CSMD3: variants seen among roughly 807,000 people sequenced by gnomAD.
CSMD3 encodes the protein CUB and Sushi multiple domains 3.
In CSMD3, 177 loss-of-function variants were observed where a neutral mutation model predicts 435.2. The observed-to-expected ratio is 0.41, with a 90% confidence interval of 0.36 to 0.46. CSMD3 has a LOEUF of 0.46. Ranked by LOEUF, CSMD3 falls within the 20% of genes least tolerant of loss-of-function variation. The pLI, the probability that CSMD3 is intolerant of heterozygous loss-of-function variation, is 0.34. For synonymous variants in CSMD3, 1,656 were observed against 1,520.5 expected (o/e 1.09, Z -2.07); for missense variants, 4,265 against 4,504.6 (o/e 0.95, Z 1.52).
chr8:112,942,466 T>C (rs2083480536), intron 9 of CSMD3, among the ~76,000 whole-genome samples: 1 of 151,762 alleles, frequency 6.6e-6, no homozygotes, highest in Admixed American at 6.6e-5. Context: ...TCAACCAAAA[T>C]GATCATTAGT....
At chr8:112,661,837 A>G (rs1297046810) in intron 17 of CSMD3, among the ~76,000 whole-genome samples, 1 of 152,106 alleles carries the variant, frequency 6.6e-6, no homozygotes, top group African/African-American at 2.4e-5. Flanking sequence ...TAATAATAAT[A>G]GTATGTTTCA....
intron 9 of CSMD3, among the ~76,000 whole-genome samples, chr8:112,922,550 G>A (rs2082777787): frequency 6.6e-6 from 1 of 151,580 alleles, no homozygotes; most frequent in South Asian, 2.1e-4. Flanking sequence ...CCAGCCTCTG[G>A]TAACCATTAT....
At chr8:112,768,139 C>T (rs913597723) in intron 13 of CSMD3, among the ~76,000 whole-genome samples, 1 of 151,088 alleles carries the variant, frequency 6.6e-6, no homozygotes, top group African/African-American at 2.4e-5. Flanking sequence ...ATTTACAAAG[C>T]CACATAAATA....
chr8:112,409,714 A>G (rs1342798542), intron 32 of CSMD3, among the ~76,000 whole-genome samples: 1 of 152,004 alleles, frequency 6.6e-6, no homozygotes, highest in Non-Finnish European at 1.5e-5. Flanking sequence ...ATACCAACAG[A>G]GCTTTATAGA....
chr8:112,690,035 C>G lies in CSMD3; in HGVS notation c.1988G>C (p.Ser663Thr), dbSNP rs752212214. 6.2e-7 allele frequency: 1 copy of G among 1,612,998 alleles called. No individual in the cohort carries two copies. Among genetic ancestry groups the G allele is most frequent in the Non-Finnish European group, 8.5e-7 (1 of 1,179,312 alleles). Residue 663 changes from serine to threonine, a missense_variant, in exon 14 of 71, where the codon AGT becomes ACT. Around this residue, in one of 3 missense-constraint regions of CSMD3, gnomAD observed 279 missense variants for 369.0 expected, o/e 0.76. Transcript: ENST00000297405. ...KVNYKEIEKE[S>T]CGDPGTPLYG... ...TAAGGGTGTACCAGGATCACCACAA[C>G]TTTCTTTCTCAATTTCTGGAAAAAT...
At position 112,455,899 on chromosome 8, in the gene CSMD3, T is replaced by C. The variant is rs540677425; in HGVS notation, c.5395+16692A>G. 5.3e-5 allele frequency among the ~76,000 whole-genome samples: 8 copies of C among 152,240 alleles called. No individual in the cohort carries two copies. In the South Asian group the frequency reaches 1.2e-3, roughly 24 times the overall value. On this transcript the variant is annotated intron_variant, in intron 32 of 70. Transcript: ENST00000297405. ...AAGGAAGGCATAAATTTTATAGTTA[T>C]TTTTTGTCTCATATTTTTGAAAATG...
At position 113,084,524 on chromosome 8, in the gene CSMD3, A is replaced by G. The variant is rs2089682356; in HGVS notation, c.917+14232T>C. Among the ~76,000 whole-genome samples, 3 of 151,736 alleles carry G rather than the reference A, an allele frequency of 2.0e-5. No individual in the cohort carries two copies. The South Asian group carries it at 6.2e-4, about 31-fold the overall frequency. ...TTAAACATGCTAAAATGACCATACA[A>G]CCTGAAGGAATATACAGATTCAATG... On this transcript the variant is annotated intron_variant, in intron 5 of 70. Coordinates refer to ENST00000297405, the MANE Select transcript of CSMD3 (RefSeq NM_198123.2).
chr8:112,647,781 A>G (rs2075023064), intron 19 of CSMD3, among the ~76,000 whole-genome samples: 2 of 151,846 alleles, frequency 1.3e-5, no homozygotes, highest in Admixed American at 1.3e-4. Context: ...GACATTTTTC[A>G]TTTTTCTAAA....
chr8:112,389,332 T>G (rs1021302262), intron 36 of CSMD3, among the ~76,000 whole-genome samples: 3 of 152,174 alleles, frequency 2.0e-5, no homozygotes, highest in Admixed American at 2.0e-4. Context: ...ATGAAGATTC[T>G]AAAGGTATCA....
chr8:112,986,786 A>C (rs964850486), intron 6 of CSMD3, among the ~76,000 whole-genome samples: 2 of 152,158 alleles, frequency 1.3e-5, no homozygotes, highest in African/African-American at 4.8e-5. Flanking sequence ...GGCAACAAAA[A>C]CTGAATATTT....
At chr8:113,235,096 T>C (rs1035335738) in intron 3 of CSMD3, among the ~76,000 whole-genome samples, 4 of 152,254 alleles carry the variant, frequency 2.6e-5, no homozygotes, top group Admixed American at 1.3e-4. Flanking sequence ...GACTTATCTC[T>C]ACATTTAAGC....
In CSMD3 at chr8:112,859,158, A is replaced by C; in HGVS notation, c.1742T>G (p.Val581Gly). The stretch of plus-strand genomic sequence containing the variant: ...GTGTTCTCTTACCTTATTTGTATTC[A>C]CTGCTGTGATGACCCAGACACATTG... ...NAQCVWVITA[V>G]NTNKVIQINF... is the part of the protein sequence containing the mutation. The change falls in exon 11 of 71, where the codon GTG becomes GGG. Residue 581 changes from valine to glycine, a missense_variant. Physicochemically the swap from Val to Gly is moderately radical, Grantham distance 109 (BLOSUM62 -3). This residue lies in a region of CSMD3 where 731 missense variants were observed against 755.4 expected (regional missense o/e 0.97). Transcript: ENST00000297405. 1 of 1,610,852 alleles carries C rather than the reference A, an allele frequency of 6.2e-7. No individual in the cohort carries two copies.
intron 1 of CSMD3, among the ~76,000 whole-genome samples, chr8:113,369,483 G>A (rs191033873): frequency 2.6e-5 from 4 of 152,036 alleles, no homozygotes; most frequent in African/African-American, 9.6e-5. Flanking sequence ...AAATATTATG[G>A]AAAACAGTAT....
chr8:113,383,823 T>C (rs1008266916), intron 1 of CSMD3, among the ~76,000 whole-genome samples: 2 of 152,148 alleles, frequency 1.3e-5, no homozygotes, highest in African/African-American at 4.8e-5. Flanking sequence ...TGTATCCTTT[T>C]TATTCCAACT....
chr8:112,797,525 C>A (rs1462493424), intron 13 of CSMD3, among the ~76,000 whole-genome samples: 1 of 151,760 alleles, frequency 6.6e-6, no homozygotes, highest in African/African-American at 2.4e-5. Context: ...AAATTTGAGA[C>A]AAACTACTCA....
intron 1 of CSMD3, among the ~76,000 whole-genome samples, chr8:113,339,221 T>G (rs1216124782): frequency 6.6e-6 from 1 of 151,980 alleles, no homozygotes; most frequent in Non-Finnish European, 1.5e-5. Context: ...CTCCGCCTCA[T>G]AGTTATACTA....
chr8:112,537,072 T>C (rs915458556), intron 27 of CSMD3, among the ~76,000 whole-genome samples: 1 of 151,850 alleles, frequency 6.6e-6, no homozygotes, highest in Non-Finnish European at 1.5e-5. Context: ...TAATGCTAAA[T>C]GACGAGATAA....
intron 5 of CSMD3, among the ~76,000 whole-genome samples, chr8:113,065,932 T>C (rs1744080298): frequency 6.6e-6 from 1 of 151,912 alleles, no homozygotes; most frequent in African/African-American, 2.4e-5. Context: ...TACAGTTATA[T>C]TTTATATTAT....
intron 33 of CSMD3, 45 bp from the exon 34 acceptor site, chr8:112,408,458 T>G (rs754908665): frequency 2.0e-5 from 23 of 1,129,824 alleles, no homozygotes; most frequent in Non-Finnish European, 3.1e-5. Flanking sequence ...TAATTTTCAT[T>G]CAGTAAACCT....
Sources: allele counts gnomAD v4.1 joint callset (sites outside exome capture counted in the v4.1 genomes callset), GRCh38; gene constraint gnomAD v4.1.1; regional missense constraint gnomAD v4.1.1; transcripts MANE v1.5; gene names NCBI Gene and HGNC (gene_info 2026-07-23, HGNC 2026-07-21).